WDR25: variants seen among roughly 807,000 people sequenced by gnomAD.
The protein encoded by WDR25 is WD repeat domain 25.
In WDR25, 35 loss-of-function variants were observed where a neutral mutation model predicts 47.7. That is an observed-to-expected ratio of 0.73 (90% CI 0.56 to 0.97). The LOEUF (loss-of-function observed/expected upper bound fraction) is 0.97. Ranked by LOEUF, WDR25 falls within the 50% of genes least tolerant of loss-of-function variation. The probability of loss-of-function intolerance (pLI) is 0.00; values close to 1 mark genes in which losing one functional copy is unlikely to be tolerated. For missense variants in WDR25, 634 were observed against 704.7 expected (o/e 0.90, Z 1.14); for synonymous variants, 248 against 278.9 (o/e 0.89, Z 1.10).
intron 2 of WDR25, among the ~76,000 whole-genome samples, chr14:100,385,443 C>T (rs1194920418): frequency 1.3e-5 from 2 of 152,178 alleles, no homozygotes; most frequent in Non-Finnish European, 1.5e-5. Flanking sequence ...AGAAAAACAA[C>T]ACAGTCCAAC....
In WDR25 at chr14:100,529,698, G is replaced by A. The variant is rs2030381096; in HGVS notation, c.1414-122G>A. ...ACCTGGGCTTTGGCCTCAGGGACACGAGGTGCGAAGCCCAGCTCTGCTCCG... is the reference window on the plus strand; with the variant it reads ...ACCTGGGCTTTGGCCTCAGGGACACAAGGTGCGAAGCCCAGCTCTGCTCCG... On this transcript the variant is annotated intron_variant, in intron 6 of 6. Transcript: ENST00000402312. This position sits in a 1 kb window ranked among gnomAD's most constrained non-coding sequence, Gnocchi z 5.1. 7.1e-6 allele frequency: 8 copies of A among 1,130,830 alleles called. No individual in the cohort carries two copies. The highest frequency in any genetic ancestry group is 9.9e-6 in the Non-Finnish European group (8 of 805,338). The allele number at this position is 1,130,830 out of a possible 1,614,324, so 70.0% of individuals were successfully genotyped here.
chr14:100,501,870 A>T (rs1900935385), intron 4 of WDR25, among the ~76,000 whole-genome samples: 1 of 152,136 alleles, frequency 6.6e-6, no homozygotes, highest in Non-Finnish European at 1.5e-5. Flanking sequence ...TCCTTGGAGG[A>T]GGATGCTGGG....
At chr14:100,495,669 C>A (rs1348062937) in intron 4 of WDR25, among the ~76,000 whole-genome samples, 2 of 152,182 alleles carry the variant, frequency 1.3e-5, no homozygotes, top group Non-Finnish European at 1.5e-5. Flanking sequence ...GTTTTGGGGG[C>A]AGTGGTTTGC....
intron 2 of WDR25, among the ~76,000 whole-genome samples, chr14:100,412,428 A>T (rs1400746564): frequency 6.6e-6 from 1 of 152,106 alleles, no homozygotes; most frequent in African/African-American, 2.4e-5. Flanking sequence ...TGGTGAAAAC[A>T]CGGCTCTTGG....
intron 2 of WDR25, among the ~76,000 whole-genome samples, chr14:100,426,818 G>A (rs1466332522): frequency 1.3e-5 from 2 of 152,116 alleles, no homozygotes; most frequent in South Asian, 2.1e-4. Context: ...CAAAAGATAC[G>A]CCCCTGCCCC....
At chr14:100,455,756 G>T (rs1172989323) in intron 2 of WDR25, among the ~76,000 whole-genome samples, 1 of 152,176 alleles carries the variant, frequency 6.6e-6, no homozygotes, top group African/African-American at 2.4e-5. Context: ...TATCTTTAAA[G>T]ATAGAAAACT....
chr14:100,474,471 G>A (rs536850547), intron 3 of WDR25, among the ~76,000 whole-genome samples: 3 of 152,118 alleles, frequency 2.0e-5, no homozygotes, highest in African/African-American at 4.8e-5. Context: ...GATGTCTGGC[G>A]TGTGTGTGTT....
intron 2 of WDR25, among the ~76,000 whole-genome samples, chr14:100,423,094 C>T (rs1418827344): frequency 6.6e-6 from 1 of 152,110 alleles, no homozygotes; most frequent in Non-Finnish European, 1.5e-5. Context: ...ATAATTTGCC[C>T]AATTTAAAAA....
At chr14:100,455,513 C>T (rs1005660650) in intron 2 of WDR25, 7 of 151,702 alleles carry the variant, frequency 4.6e-5, no homozygotes, top group Non-Finnish European at 7.4e-5. Context: ...AGGAAATGCC[C>T]CATATTTGGT....
At chr14:100,417,540 C>T (rs1054144466) in intron 2 of WDR25, among the ~76,000 whole-genome samples, 3 of 152,208 alleles carry the variant, frequency 2.0e-5, no homozygotes, top group African/African-American at 7.2e-5. Flanking sequence ...GGTGGCTCCC[C>T]TTTCCAGTTC....
chr14:100,497,810 ATTGTG>A (rs1900783632), intron 4 of WDR25, among the ~76,000 whole-genome samples: 2 of 151,974 alleles, frequency 1.3e-5, no homozygotes, highest in African/African-American at 4.8e-5. Flanking sequence ...GCCCGACTGG[ATTGTG>A]TGTCCCCCTC....
chr14:100,509,609 A>G (rs1341064066), intron 4 of WDR25, among the ~76,000 whole-genome samples: 1 of 152,200 alleles, frequency 6.6e-6, no homozygotes, highest in Non-Finnish European at 1.5e-5. Context: ...TAAGCTGCAC[A>G]TATTCAAAAT....
At chr14:100,378,676 A>AGAGAGAAAAGAG (rs1566878585) in intron 1 of WDR25, among the ~76,000 whole-genome samples, 4 of 86,684 alleles carry the variant, frequency 4.6e-5, no homozygotes, top group East Asian at 2.7e-4. Context: ...TGTTCCAGGC[A>AGAGAGAAAAGAG]GGCCGGGCGC....
At chr14:100,486,072 G>A (rs1017863640) in intron 4 of WDR25, among the ~76,000 whole-genome samples, 2 of 149,888 alleles carry the variant, frequency 1.3e-5, no homozygotes, top group Non-Finnish European at 3.0e-5. Context: ...GCCAAAACAC[G>A]TTATATTTAG....
At chr14:100,521,341 G>T (rs1200372044) in intron 4 of WDR25, among the ~76,000 whole-genome samples, 1 of 152,098 alleles carries the variant, frequency 6.6e-6, no homozygotes, top group Non-Finnish European at 1.5e-5. Flanking sequence ...GCAAAACAAG[G>T]TACATTTCGA....
rs943000461 is a variant in WDR25 at position 100,381,627 on chromosome 14, C to A, written c.703C>A (p.Pro235Thr). ...LNSHYKETTV[P>T]RKVLFHLRGH... ...TAGCCATTATAAAGAAACCACAGTTCCCCGGAAAGTGCTTTTCCACCTGAG... is the reference window on the plus strand; with the variant it reads ...TAGCCATTATAAAGAAACCACAGTTACCCGGAAAGTGCTTTTCCACCTGAG... Residue 235 changes from proline to threonine, a missense_variant, in exon 2 of 7, where the codon CCC becomes ACC. By Grantham distance (38) the Pro-to-Thr change is conservative (BLOSUM62 -1). Transcript: ENST00000402312. The A allele has an allele frequency of 8.7e-6, 14 of 1,608,016 alleles. No individual in the cohort carries two copies. Among genetic ancestry groups the A allele is most frequent in the Non-Finnish European group, 1.1e-5 (13 of 1,175,114 alleles).
chr14:100,521,791 G>A (rs2029882576), intron 4 of WDR25, among the ~76,000 whole-genome samples: 1 of 152,112 alleles, frequency 6.6e-6, no homozygotes, highest in Non-Finnish European at 1.5e-5. Context: ...GGGTTGCTGG[G>A]TCATGCATAT....
chr14:100,473,300 A>G (rs1002573818), intron 3 of WDR25, among the ~76,000 whole-genome samples: 2 of 152,192 alleles, frequency 1.3e-5, no homozygotes, highest in African/African-American at 2.4e-5. Context: ...TCATGGACCC[A>G]GAAACTGAGG....
At position 100,529,473 on chromosome 14, in the gene WDR25, C is replaced by T. The variant is rs942748518; in HGVS notation, c.1413+265C>T. ...TCAGAAGTGGGGGGCAGGAACAGGA[C>T]AAAATGGTCATGGGTGTCATTTCTG... On this transcript the variant is annotated intron_variant, in intron 6 of 6. Coordinates refer to ENST00000402312, the MANE Select transcript of WDR25 (RefSeq NM_001161476.3). The surrounding 1 kb of genome is among the most constrained non-coding windows in gnomAD (Gnocchi z 5.1). 4 of 601,320 alleles carry T rather than the reference C, an allele frequency of 6.7e-6. No individual in the cohort carries two copies. In the East Asian group the frequency reaches 1.1e-4, roughly 17 times the overall value. The allele number at this position is 601,320 out of a possible 1,614,324, so 37.2% of individuals were successfully genotyped here.
Sources: gnomAD v4.1 joint callset for allele counts (sites outside exome capture counted in the v4.1 genomes callset) on GRCh38, gnomAD v4.1.1 for gene constraint, Gnocchi (gnomAD v3.1) non-coding constraint, MANE v1.5 for transcripts, NCBI Gene and HGNC (gene_info 2026-07-23, HGNC 2026-07-21) for gene names.